Variants in IFT80 observed in about 807,000 individuals in gnomAD.
IFT80 encodes the protein intraflagellar transport 80.
A neutral mutation model predicts 107.9 loss-of-function variants in IFT80; 79 were observed. The ratio of observed to expected loss-of-function variants is 0.73; its 90% confidence interval spans 0.61 to 0.88. IFT80 has a LOEUF of 0.88. Ranked by LOEUF, IFT80 falls within the 40% of genes least tolerant of loss-of-function variation. IFT80 has a pLI of 0.00. For synonymous variants in IFT80, 299 were observed against 300.9 expected, an observed-to-expected ratio of 0.99 and a Z score of 0.07; for missense variants, 797 against 914.2, an observed-to-expected ratio of 0.87 and a Z score of 1.65.
At position 160,395,055 on chromosome 3, in the gene IFT80, T is replaced by C. The variant is rs372301631; in HGVS notation, c.-47+4091A>G. 3.9e-5 allele frequency among the ~76,000 whole-genome samples: 6 copies of C among 152,236 alleles called. No homozygotes were observed. The East Asian group carries it at 1.2e-3, about 29-fold the overall frequency. Reference sequence around the variant, plus strand: ...TTGAAGTTTTCAACAATGCTCACAGTATTATTTAATCTATCCACTTATATA... The same window carrying C: ...TTGAAGTTTTCAACAATGCTCACAGCATTATTTAATCTATCCACTTATATA... On this transcript the variant is annotated intron_variant, in intron 1 of 19. Transcript: ENST00000326448.
At chr3:160,314,540 G>T (rs1415933504) in intron 9 of IFT80, among the ~76,000 whole-genome samples, 1 of 152,172 alleles carries the variant, frequency 6.6e-6, no homozygotes, top group Admixed American at 6.5e-5. Flanking sequence ...AGCAGGTCAA[G>T]GTGTAGATTT....
intron 9 of IFT80, among the ~76,000 whole-genome samples, chr3:160,314,099 A>G (rs1224703158): frequency 3.3e-5 from 5 of 152,198 alleles, no homozygotes; most frequent in African/African-American, 1.2e-4. Flanking sequence ...CTATAATCAT[A>G]ATCATAGCAA....
chr3:160,344,617 T>C (rs1310457321), intron 8 of IFT80, among the ~76,000 whole-genome samples: 2 of 152,128 alleles, frequency 1.3e-5, no homozygotes, highest in Non-Finnish European at 2.9e-5. Flanking sequence ...AAAAAGCTTC[T>C]GTACAGCAGA....
In IFT80 at chr3:160,347,254, A is replaced by G. The variant is rs180832596; in HGVS notation, c.777+8759T>C. 5.3e-5 allele frequency among the ~76,000 whole-genome samples: 8 copies of G among 152,218 alleles called. 1 individual carries two copies. The highest frequency in any genetic ancestry group is 1.4e-4 in the African/African-American group (6 of 41,536). ...TAGGCAGGTAAGCAAAAATGCCACA[A>G]TGCTTTCTTACCAAAATTTAGCAGT... On this transcript the variant is annotated intron_variant, in intron 8 of 19. Coordinates refer to ENST00000326448, the MANE Select transcript of IFT80 (RefSeq NM_020800.3).
rs1279629824 is a variant in IFT80 at position 160,257,456 on chromosome 3, A to C, written c.*1069T>G. The C allele has an allele frequency of 2.0e-5, 3 of 152,222 alleles. No individual in the cohort carries two copies. The highest frequency in any genetic ancestry group is 7.2e-5 in the African/African-American group (3 of 41,454). The allele number at this position is 152,222 out of a possible 1,614,324, so 9.4% of individuals were successfully genotyped here. ...TGGTAATAACTTTGGGATACACTAA[A>C]TAGAGTAATCAAACAAGTTTGTCAC... On this transcript the variant is annotated 3_prime_UTR_variant, in exon 20 of 20. Coordinates refer to ENST00000326448, the MANE Select transcript of IFT80 (RefSeq NM_020800.3).
rs549190588 is a variant in IFT80, at chr3:160,321,284, CAAG to C, written c.778-1348_778-1346del. Reference sequence around the variant, plus strand: ...AATTAATTCATTTGTGTTTGACAAACAAGAATTATGAAACATTACATGAATACT... The same window carrying C: ...AATTAATTCATTTGTGTTTGACAAACAATTATGAAACATTACATGAATACT... On this transcript the variant is annotated intron_variant, in intron 8 of 19. Coordinates refer to ENST00000326448, the MANE Select transcript of IFT80 (RefSeq NM_020800.3). Among the ~76,000 whole-genome samples, 19 of 151,904 alleles carry C rather than the reference CAAG, an allele frequency of 1.3e-4. No homozygotes were observed. The South Asian group carries it at 3.5e-3, about 28-fold the overall frequency.
intron 2 of IFT80, among the ~76,000 whole-genome samples, chr3:160,382,010 T>C (rs537039258): frequency 6.6e-6 from 1 of 152,300 alleles, no homozygotes; most frequent in South Asian, 2.1e-4. Flanking sequence ...CAATATTCTA[T>C]ACACAAAGCC....
At chr3:160,395,320 G>C (rs1179372129) in intron 1 of IFT80, among the ~76,000 whole-genome samples, 1 of 152,136 alleles carries the variant, frequency 6.6e-6, no homozygotes, top group Non-Finnish European at 1.5e-5. Flanking sequence ...GATTAAATGA[G>C]ATAAAGTATG....
intron 9 of IFT80, among the ~76,000 whole-genome samples, chr3:160,310,058 C>A (rs1185343943): frequency 6.6e-6 from 1 of 152,054 alleles, no homozygotes; most frequent in Non-Finnish European, 1.5e-5. Flanking sequence ...AAAATTTTAT[C>A]TAGAAGTAAT....
At chr3:160,351,128 T>C (rs1720668574) in intron 8 of IFT80, among the ~76,000 whole-genome samples, 1 of 151,894 alleles carries the variant, frequency 6.6e-6, no homozygotes, top group Non-Finnish European at 1.5e-5. Context: ...GACATAACCA[T>C]TGTTAAAATT....
At position 160,352,054 on chromosome 3, in the gene IFT80, C is replaced by T. The variant is rs538487627; in HGVS notation, c.777+3959G>A. The stretch of plus-strand genomic sequence containing the variant: ...TTTTTGAGACAGAGTCTCTCTCTGT[C>T]ACCCAGGCTGGAGTGCAGTGGTGCG... On this transcript the variant is annotated intron_variant, in intron 8 of 19. Coordinates refer to ENST00000326448, the MANE Select transcript of IFT80 (RefSeq NM_020800.3). Among the ~76,000 whole-genome samples the T allele has an allele frequency of 9.3e-5, 14 of 150,292 alleles. No individual in the cohort carries two copies. In the East Asian group the frequency reaches 2.1e-3, roughly 23 times the overall value.
intron 12 of IFT80, among the ~76,000 whole-genome samples, chr3:160,300,478 T>G (rs1033109944): frequency 6.6e-6 from 1 of 152,114 alleles, no homozygotes; most frequent in African/African-American, 2.4e-5. Context: ...TTTAAAAATA[T>G]AAACAAATTA....
intron 9 of IFT80, 137 bp from the exon 10 acceptor site, chr3:160,307,918 A>G: frequency 1.6e-6 from 1 of 643,260 alleles, no homozygotes; most frequent in Non-Finnish European, 2.8e-6. Context: ...AATTTAATAG[A>G]AACTAGGCAT....
intron 1 of IFT80, among the ~76,000 whole-genome samples, chr3:160,390,675 C>T (rs1713315548): frequency 6.6e-6 from 1 of 152,180 alleles, no homozygotes; most frequent in Admixed American, 6.5e-5. Context: ...TGAAGTTTTG[C>T]TATACATCTG....
At chr3:160,315,398 G>A (rs942506801) in intron 9 of IFT80, among the ~76,000 whole-genome samples, 1 of 152,116 alleles carries the variant, frequency 6.6e-6, no homozygotes, top group African/African-American at 2.4e-5. Context: ...CTGTTTTAGG[G>A]TAAAGATCTT....
intron 8 of IFT80, among the ~76,000 whole-genome samples, chr3:160,339,528 T>C (rs551329076): frequency 1.3e-5 from 2 of 152,348 alleles, no homozygotes; most frequent in Admixed American, 1.3e-4. Flanking sequence ...CCACAATTTT[T>C]GTCTCCAAAA....
chr3:160,344,874 A>G (rs9845395), intron 8 of IFT80, among the ~76,000 whole-genome samples: 2,652 of 152,298 alleles, frequency 0.017, 30 homozygotes, highest in Middle Eastern at 0.095. Context: ...AGAGAAATGC[A>G]AATCAACACT....
At chr3:160,371,652 A>T (rs1288768942) in intron 5 of IFT80, among the ~76,000 whole-genome samples, 7 of 152,102 alleles carry the variant, frequency 4.6e-5, no homozygotes, top group East Asian at 1.9e-4. Context: ...CATGTTGCCC[A>T]GGCTGATCTC....
rs377607832 is a variant in IFT80 at position 160,307,634 on chromosome 3, T to C, written c.1076+29A>G. On this transcript the variant is annotated intron_variant, in intron 10 of 19. Coordinates refer to ENST00000326448, the MANE Select transcript of IFT80 (RefSeq NM_020800.3). ...TCCTCAGCACAGACAGACAAAACTC[T>C]GAAATTTTAAGAAATGCAAGATGCT... 2.9e-4 allele frequency: 342 copies of C among 1,194,504 alleles called. 1 individual carries two copies. Among genetic ancestry groups the C allele is most frequent in the Non-Finnish European group, 1.2e-4 (99 of 799,582 alleles). 74.0% of individuals were successfully genotyped at this position (1,194,504 alleles called of 1,614,324 possible). A position where few individuals can be genotyped will look rare whatever the true frequency, so the allele number is the denominator to read the frequency against.
Sources: allele counts gnomAD v4.1 joint callset (sites outside exome capture counted in the v4.1 genomes callset), GRCh38; gene constraint gnomAD v4.1.1; transcripts MANE v1.5; gene names NCBI Gene and HGNC (gene_info 2026-07-23, HGNC 2026-07-21).